The following NELL1 variants were observed in gnomAD, a reference collection of about 807,000 sequenced individuals.
NELL1 encodes the protein neural EGFL like 1, also known as protein kinase C-binding protein NELL1.
Under a neutral mutation model 107.4 loss-of-function variants are expected in NELL1, and 76 were observed. The ratio of observed to expected loss-of-function variants is 0.71; its 90% CI spans 0.59 to 0.86. NELL1 has a LOEUF of 0.86. NELL1 is among the 40% of genes least tolerant of loss of function. The pLI is 0.00. For missense variants in NELL1, 1,024 were observed against 1,005.5 expected (o/e 1.02, Z -0.25); for synonymous variants, 353 against 341.2 (o/e 1.03, Z -0.38).
chr11:21,221,246 G>A (rs1857748926), intron 13 of NELL1, among the ~76,000 whole-genome samples: 1 of 152,178 alleles, frequency 6.6e-6, no homozygotes, highest in Non-Finnish European at 1.5e-5. Flanking sequence ...TGATCATGGT[G>A]TATAATCTTT....
At chr11:21,465,037 G>C (rs1853992262) in intron 15 of NELL1, among the ~76,000 whole-genome samples, 1 of 152,084 alleles carries the variant, frequency 6.6e-6, no homozygotes, top group Admixed American at 6.6e-5. Context: ...CTAGTAGAGA[G>C]TCTGATACAA....
chr11:20,755,553 T>A (rs1856250631), intron 2 of NELL1, among the ~76,000 whole-genome samples: 1 of 106,090 alleles, frequency 9.4e-6, no homozygotes, highest in South Asian at 2.8e-4. Context: ...TTTTTTTGTT[T>A]TTGTTTTTGT....
In NELL1 at chr11:21,040,960, A is replaced by T. The variant is rs117184956; in HGVS notation, c.1301-72629A>T. The stretch of plus-strand genomic sequence containing the variant: ...AATCAGTGTCCTTGCTTTAAAAGCA[A>T]TGTCACCTGCTGTGGCTTTCCAGCT... On this transcript the variant is annotated intron_variant, in intron 12 of 19. Coordinates refer to ENST00000357134, the MANE Select transcript of NELL1 (RefSeq NM_006157.5). 3.8e-3 allele frequency among the ~76,000 whole-genome samples: 580 copies of T among 152,320 alleles called. 3 individuals are homozygous for T. The highest frequency in any genetic ancestry group is 0.01 in the Middle Eastern group (3 of 294).
At chr11:21,544,292 G>A (rs1271621300) in intron 16 of NELL1, among the ~76,000 whole-genome samples, 10 of 152,084 alleles carry the variant, frequency 6.6e-5, no homozygotes, top group Non-Finnish European at 1.5e-4. Flanking sequence ...GTGGTAGGTA[G>A]GATGCAGAAA....
At chr11:20,697,130 A>T (rs1018841391) in intron 2 of NELL1, among the ~76,000 whole-genome samples, 3 of 152,178 alleles carry the variant, frequency 2.0e-5, no homozygotes, top group Non-Finnish European at 4.4e-5. Context: ...TGGTGCCGGG[A>T]AAAGAATGAG....
intron 14 of NELL1, among the ~76,000 whole-genome samples, chr11:21,348,193 G>A (rs1286195841): frequency 6.6e-6 from 1 of 152,144 alleles, no homozygotes; most frequent in Non-Finnish European, 1.5e-5. Context: ...GCATGCTCAG[G>A]CTATTTCCCA....
At position 20,786,867 on chromosome 11, in the gene NELL1, G is replaced by T. The variant is rs946406479; in HGVS notation, c.335+3037G>T. On this transcript the variant is annotated intron_variant, in intron 3 of 19. Transcript: ENST00000357134. ...ACTAAAAATACAAAAAATTAGCCGG[G>T]CATGGTGGCGGGCGCCTGTAGTCCC... 6.6e-5 allele frequency among the ~76,000 whole-genome samples: 10 copies of T among 151,916 alleles called. No individual in the cohort carries two copies. In the East Asian group the frequency reaches 1.4e-3, roughly 21 times the overall value.
At chr11:21,245,806 C>T (rs1055451271) in intron 14 of NELL1, among the ~76,000 whole-genome samples, 1 of 152,146 alleles carries the variant, frequency 6.6e-6, no homozygotes, top group African/African-American at 2.4e-5. Flanking sequence ...TCAGTAATTA[C>T]AAAATACCTT....
At chr11:20,759,332 A>G (rs774253341) in intron 2 of NELL1, among the ~76,000 whole-genome samples, 22 of 152,176 alleles carry the variant, frequency 1.4e-4, no homozygotes, top group Admixed American at 2.6e-4. Flanking sequence ...CAGACATTGA[A>G]AGGATCCATG....
chr11:20,891,825 C>T (rs1448105683), intron 5 of NELL1, among the ~76,000 whole-genome samples: 3 of 152,066 alleles, frequency 2.0e-5, no homozygotes, highest in Non-Finnish European at 2.9e-5. Flanking sequence ...ATCCTAAATA[C>T]ATATATGCAC....
intron 4 of NELL1, among the ~76,000 whole-genome samples, chr11:20,874,235 T>G (rs7121903): frequency 0.6 from 90,444 of 152,006 alleles, 30,264 homozygotes; most frequent in Non-Finnish European, 0.75. Flanking sequence ...ACCCGGCTAA[T>G]TTTTGTATTT....
At chr11:21,008,456 T>C (rs1762783098) in intron 12 of NELL1, among the ~76,000 whole-genome samples, 1 of 152,184 alleles carries the variant, frequency 6.6e-6, no homozygotes, top group African/African-American at 2.4e-5. Context: ...TGTTTCAGAT[T>C]TCTTTCTAAT....
intron 5 of NELL1, among the ~76,000 whole-genome samples, chr11:20,906,828 C>A (rs1197432683): frequency 6.6e-6 from 1 of 151,938 alleles, no homozygotes; most frequent in Non-Finnish European, 1.5e-5. Context: ...AAATGAGCAA[C>A]ATGTGGAAAC....
intron 2 of NELL1, among the ~76,000 whole-genome samples, chr11:20,781,874 C>CAAAAAA (rs138345829): frequency 5.2e-5 from 4 of 77,270 alleles, no homozygotes; most frequent in African/African-American, 1.6e-4. Context: ...ACCAAAAATA[C>CAAAAAA]AAAAAAAAAA....
intron 2 of NELL1, among the ~76,000 whole-genome samples, chr11:20,766,672 GA>G (rs1856534079): frequency 6.6e-6 from 1 of 151,866 alleles, no homozygotes; most frequent in Non-Finnish European, 1.5e-5. Flanking sequence ...ACTGGATGGA[GA>G]AAAATCATTT....
intron 13 of NELL1, among the ~76,000 whole-genome samples, chr11:21,189,668 C>A (rs1181102013): frequency 8.0e-6 from 1 of 124,480 alleles, no homozygotes; most frequent in African/African-American, 2.9e-5. Flanking sequence ...TTTTAGTTGT[C>A]TGTTGTTTCT....
intron 2 of NELL1, among the ~76,000 whole-genome samples, chr11:20,782,337 T>C (rs1252960529): frequency 2.0e-5 from 3 of 152,208 alleles, no homozygotes; most frequent in Non-Finnish European, 4.4e-5. Flanking sequence ...GGTGTCTCCA[T>C]GGTGGAGGAC....
intron 2 of NELL1, among the ~76,000 whole-genome samples, chr11:20,752,913 G>A (rs1465387206): frequency 4.0e-5 from 6 of 151,888 alleles, no homozygotes; most frequent in African/African-American, 9.7e-5. Context: ...TGAAGTAGAA[G>A]AAAAAGGAAA....
At chr11:21,532,348 G>A (rs1384027036) in intron 15 of NELL1, among the ~76,000 whole-genome samples, 1 of 152,160 alleles carries the variant, frequency 6.6e-6, no homozygotes, top group Non-Finnish European at 1.5e-5. Flanking sequence ...AGAAATATCT[G>A]TGAATTGAAA....
Sources: allele counts gnomAD v4.1 joint callset (sites outside exome capture counted in the v4.1 genomes callset), GRCh38; gene constraint gnomAD v4.1.1; transcripts MANE v1.5; gene names NCBI Gene and HGNC (gene_info 2026-07-23, HGNC 2026-07-21).